The following LRP2 variants were observed in gnomAD, a reference collection of about 807,000 sequenced individuals.
The protein encoded by LRP2 is low-density lipoprotein receptor-related protein 2.
Under a neutral mutation model 531.0 loss-of-function variants are expected in LRP2, and 172 were observed. The observed-to-expected ratio is 0.32, with a 90% CI of 0.29 to 0.37. LRP2 has a LOEUF of 0.37. Ranked by LOEUF, LRP2 falls within the 10% of genes least tolerant of loss-of-function variation. LRP2 has a pLI of 1.00. For missense variants in LRP2, 5,167 were observed against 5,868.3 expected (o/e 0.88, Z 3.90); for synonymous variants, 1,992 against 2,027.6 (o/e 0.98, Z 0.47).
chr2:169,345,961 TG>T (rs1339023057), intron 1 of LRP2, among the ~76,000 whole-genome samples: 1 of 152,220 alleles, frequency 6.6e-6, no homozygotes, highest in Non-Finnish European at 1.5e-5. Context: ...CCCAGGTCAC[TG>T]TGACAAGTCA....
chr2:169,359,748 T>G (rs1462914860), intron 1 of LRP2, among the ~76,000 whole-genome samples: 1 of 152,114 alleles, frequency 6.6e-6, no homozygotes, highest in Non-Finnish European at 1.5e-5. Flanking sequence ...TGGTACGAGT[T>G]GCATATTGCC....
At chr2:169,205,724 G>A (rs941938003) in intron 40 of LRP2, 87 bp from the exon 41 acceptor site, 49 of 1,318,902 alleles carry the variant, frequency 3.7e-5, no homozygotes, top group Non-Finnish European at 5.3e-5. Context: ...TTCTTTAATT[G>A]CAAATTGCCA....
At chr2:169,245,223 A>T (rs1689962794) in intron 21 of LRP2, among the ~76,000 whole-genome samples, 1 of 152,232 alleles carries the variant, frequency 6.6e-6, no homozygotes, top group Non-Finnish European at 1.5e-5. Context: ...TGCATTTTAC[A>T]GATAAGGAAA....
At chr2:169,135,418 A>G (rs578152215) in intron 76 of LRP2, among the ~76,000 whole-genome samples, 1 of 152,324 alleles carries the variant, frequency 6.6e-6, no homozygotes, top group East Asian at 1.9e-4. Flanking sequence ...TGAGAAGTCC[A>G]CTGCGGTCAT....
intron 75 of LRP2, among the ~76,000 whole-genome samples, chr2:169,137,751 T>C (rs1685571803): frequency 6.9e-6 from 1 of 145,510 alleles, no homozygotes; most frequent in African/African-American, 2.6e-5. Flanking sequence ...CTCAAGGAAA[T>C]GGTAACATTC....
intron 1 of LRP2, among the ~76,000 whole-genome samples, chr2:169,323,297 C>T (rs559310513): frequency 2.8e-4 from 42 of 152,280 alleles, no homozygotes; most frequent in African/African-American, 7.9e-4. Context: ...AACTCCCAAA[C>T]GACTATTGTT....
At chr2:169,350,587 G>A (rs1685820224) in intron 1 of LRP2, among the ~76,000 whole-genome samples, 1 of 151,964 alleles carries the variant, frequency 6.6e-6, no homozygotes, top group Non-Finnish European at 1.5e-5. Context: ...GCCAGGCATG[G>A]TGGTGTGCAC....
chr2:169,193,426 G>A (rs1426161879), intron 47 of LRP2, among the ~76,000 whole-genome samples: 2 of 112,116 alleles, frequency 1.8e-5, no homozygotes, highest in Non-Finnish European at 3.4e-5. Context: ...GTAAGACCTT[G>A]TCAAAAAAAA....
At chr2:169,239,946 G>A (rs1689745387) in intron 25 of LRP2, among the ~76,000 whole-genome samples, 171 bp from the exon 26 acceptor site, 1 of 152,182 alleles carries the variant, frequency 6.6e-6, no homozygotes, top group Admixed American at 6.5e-5. Flanking sequence ...TTCAGGGTTT[G>A]CTCTAATTTG....
At chr2:169,352,821 G>T (rs528619806) in intron 1 of LRP2, among the ~76,000 whole-genome samples, 41 of 151,866 alleles carry the variant, frequency 2.7e-4, no homozygotes, top group Admixed American at 2.6e-4. Flanking sequence ...TGGTCACAGG[G>T]GGGGGAACAT....
intron 1 of LRP2, among the ~76,000 whole-genome samples, chr2:169,323,838 TG>T (rs796557418): frequency 1.1e-4 from 13 of 114,482 alleles, no homozygotes; most frequent in African/African-American, 3.4e-4. Context: ...CTCTCTGGTT[TG>T]GGGGCTGCCT....
At chr2:169,270,522 C>T (rs1418188108) in intron 16 of LRP2, among the ~76,000 whole-genome samples, 1 of 150,188 alleles carries the variant, frequency 6.7e-6, no homozygotes, top group Non-Finnish European at 1.5e-5. Flanking sequence ...AACCAAACAC[C>T]ACATGTTCTC....
At chr2:169,256,303 C>T in intron 18 of LRP2, 67 bp from the exon 19 acceptor site, 3 of 1,301,896 alleles carry the variant, frequency 2.3e-6, no homozygotes, top group South Asian at 2.5e-5. Flanking sequence ...ACACAAAGGG[C>T]ATCCAAAAAC....
chr2:169,240,344 T>C (rs1272732765), intron 25 of LRP2, among the ~76,000 whole-genome samples: 1 of 152,212 alleles, frequency 6.6e-6, no homozygotes, highest in Non-Finnish European at 1.5e-5. Context: ...TGCCTGGGGA[T>C]GCAAATGCCT....
Position 169,132,639 on chromosome 2 carries a change from G to A in LRP2, c.13663C>T (p.Pro4555Ser), listed in dbSNP as rs762006906. The change falls in exon 77 of 79, where the codon CCC (proline) becomes TCC (serine). Residue 4555 changes from proline (P) to serine (S), a missense_variant. This residue lies in a region of LRP2 where 348 missense variants were observed against 369.3 expected (regional missense o/e 0.94). Transcript: ENST00000649046. ...GGAACTATCTCAGAAGGGTTTATGG[G>A]ACTTCCATAATTCTTATTATCCACA... ...ENVDNKNYGS[P>S]INPSEIVPET... 5.6e-6 allele frequency: 9 copies of A among 1,609,296 alleles called. No homozygotes were observed.
intron 1 of LRP2, among the ~76,000 whole-genome samples, chr2:169,338,197 AAAAG>A (rs1685458022): frequency 1.3e-5 from 2 of 150,192 alleles, no homozygotes; most frequent in South Asian, 2.1e-4. Context: ...AGAGAGAAAG[AAAAG>A]AAAGAAAAGA....
At chr2:169,350,748 T>TG (rs1685826327) in intron 1 of LRP2, among the ~76,000 whole-genome samples, 2 of 95,372 alleles carry the variant, frequency 2.1e-5, no homozygotes, top group South Asian at 7.1e-4. Flanking sequence ...AAAAAAAAAG[T>TG]GGGGACTCAG....
chr2:169,295,512 T>C (rs765110160), intron 4 of LRP2, among the ~76,000 whole-genome samples: 21 of 152,188 alleles, frequency 1.4e-4, no homozygotes, highest in Admixed American at 5.9e-4. Flanking sequence ...TCCTCTCTAC[T>C]TGCCAGACTT....
chr2:169,271,639 AC>A (rs1336733053), intron 15 of LRP2: 4 of 534,158 alleles, frequency 7.5e-6, no homozygotes, highest in African/African-American at 4.1e-5. Context: ...ACACACACAC[AC>A]ACACACACAC....
Sources: allele counts gnomAD v4.1 joint callset (sites outside exome capture counted in the v4.1 genomes callset), GRCh38; gene constraint gnomAD v4.1.1; regional missense constraint gnomAD v4.1.1; transcripts MANE v1.5; gene names NCBI Gene and HGNC (gene_info 2026-07-23, HGNC 2026-07-21).